The following AGAP1 variants were observed in gnomAD, a reference collection of about 807,000 sequenced individuals.
AGAP1 encodes the protein arf-GAP with GTPase, ANK repeat and PH domain-containing protein 1.
In AGAP1, 29 loss-of-function variants were observed where a neutral mutation model predicts 105.3. That is an observed-to-expected ratio of 0.28 (90% confidence interval 0.21 to 0.38). AGAP1 has a LOEUF of 0.38. Ranked by LOEUF, AGAP1 falls within the 10% of genes least tolerant of loss-of-function variation. The pLI, the probability that AGAP1 is intolerant of heterozygous loss-of-function variation, is 1.00. For synonymous variants in AGAP1, 509 were observed against 485.9 expected (o/e 1.05, Z -0.63); for missense variants, 998 against 1,165.1 (o/e 0.86, Z 2.09).
rs1399949563 is a variant in AGAP1, at chr2:235,551,768, G to A, written c.163+56919G>A. Among the ~76,000 whole-genome samples the A allele has an allele frequency of 6.6e-6, 1 of 152,168 alleles. No homozygotes were observed. Among genetic ancestry groups the A allele is most frequent in the Non-Finnish European group, 1.5e-5 (1 of 68,034 alleles). On this transcript the variant is annotated intron_variant, in intron 1 of 17. Coordinates refer to ENST00000304032, the MANE Select transcript of AGAP1 (RefSeq NM_001037131.3). This position sits in a 1 kb window ranked among gnomAD's most constrained non-coding sequence, Gnocchi z 4.8. ...AAACCCTAAAAGACTTTCTCTGAAT[G>A]TTACCTTTGCTCTTCACCTTGACTG...
rs539638425 is a variant in AGAP1, at chr2:235,901,072, C to T, written c.1156-7666C>T. 7.9e-5 allele frequency among the ~76,000 whole-genome samples: 12 copies of T among 152,286 alleles called. No individual in the cohort carries two copies. In the South Asian group the frequency reaches 2.1e-3, roughly 26 times the overall value. On this transcript the variant is annotated intron_variant, in intron 10 of 17. Transcript: ENST00000304032. This position sits in a 1 kb window ranked among gnomAD's most constrained non-coding sequence, Gnocchi z 4.3. Reference sequence around the variant, plus strand: ...ATTTTTCATAGTTTTACAATATTTTCACAGTATTTTTAGGAGCATGACTTT... The same window carrying T: ...ATTTTTCATAGTTTTACAATATTTTTACAGTATTTTTAGGAGCATGACTTT...
At chr2:236,024,140 C>T (rs1576093786) in intron 13 of AGAP1, among the ~76,000 whole-genome samples, 1 of 98,698 alleles carries the variant, frequency 1.0e-5, no homozygotes, top group East Asian at 2.7e-4. Flanking sequence ...AAGCAGTTCT[C>T]CTGCCTCAGC....
At chr2:235,645,600 G>T (rs1947346459) in intron 1 of AGAP1, among the ~76,000 whole-genome samples, 5 of 152,034 alleles carry the variant, frequency 3.3e-5, no homozygotes, top group Admixed American at 3.3e-4. Context: ...TCATTGCAGG[G>T]GTTTACGCCC....
Position 235,853,194 on chromosome 2 carries a change from C to G in AGAP1, c.1051-30151C>G, listed in dbSNP as rs528220413. 2.0e-5 allele frequency: 21 copies of G among 1,057,964 alleles called. No homozygotes were observed. In the Admixed American group the frequency reaches 1.1e-3, roughly 58 times the overall value. 65.5% of individuals were successfully genotyped at this position (1,057,964 alleles called of 1,614,324 possible). ...GGTAGAAACATAAAACATTAAAATC[C>G]AAGATTGAGCGGATCTGTCTTGACT... is the stretch of plus-strand genomic sequence containing the variant. On this transcript the variant is annotated intron_variant, in intron 9 of 17. Transcript: ENST00000304032.
chr2:235,810,095 G>A (rs1372571961), intron 9 of AGAP1, among the ~76,000 whole-genome samples: 1 of 152,184 alleles, frequency 6.6e-6, no homozygotes, highest in Non-Finnish European at 1.5e-5. Context: ...AGCTTAGGAA[G>A]CAAAGTTACA....
intron 13 of AGAP1, among the ~76,000 whole-genome samples, chr2:236,017,229 G>A (rs2056735398): frequency 6.7e-6 from 1 of 150,048 alleles, no homozygotes; most frequent in Non-Finnish European, 1.5e-5. Context: ...GGAGGCGGAG[G>A]TTGCAGTGAG....
intron 16 of AGAP1, among the ~76,000 whole-genome samples, chr2:236,079,896 C>G (rs1402935957): frequency 6.6e-6 from 1 of 152,206 alleles, no homozygotes; most frequent in East Asian, 1.9e-4. Flanking sequence ...ATTTTACTTA[C>G]CTGGCAAGTT....
At position 236,123,024 on chromosome 2, in the gene AGAP1, G is replaced by A. The variant is rs1030435745; in HGVS notation, c.2371-895G>A. Among the ~76,000 whole-genome samples, 1 of 151,950 alleles carries A rather than the reference G, an allele frequency of 6.6e-6. No individual in the cohort carries two copies. Among genetic ancestry groups the A allele is most frequent in the Admixed American group, 6.6e-5 (1 of 15,256 alleles). ...CAAAGTGTGCACAGTTGAGGGGAGA[G>A]TTCTGAATTCTGTTCATGTGGTGGA... On this transcript the variant is annotated intron_variant, in intron 17 of 17. Coordinates refer to ENST00000304032, the MANE Select transcript of AGAP1 (RefSeq NM_001037131.3). This position sits in a 1 kb window ranked among gnomAD's most constrained non-coding sequence, Gnocchi z 4.6.
intron 9 of AGAP1, among the ~76,000 whole-genome samples, chr2:235,876,081 A>G (rs1206901630): frequency 1.3e-5 from 2 of 152,162 alleles, no homozygotes; most frequent in African/African-American, 4.8e-5. Flanking sequence ...GCTCACCTGC[A>G]GATAATTTTC....
At chr2:235,542,221 G>GA (rs541325607) in intron 1 of AGAP1, among the ~76,000 whole-genome samples, 18 of 146,060 alleles carry the variant, frequency 1.2e-4, no homozygotes, top group South Asian at 4.2e-4. Context: ...GGGTCCCGGG[G>GA]GGGGGCCAGT....
chr2:235,845,850 T>A lies in AGAP1; in HGVS notation c.1051-37495T>A, dbSNP rs1029264306. Among the ~76,000 whole-genome samples, 1 of 151,946 alleles carries A rather than the reference T, an allele frequency of 6.6e-6. No homozygotes were observed. Among genetic ancestry groups the A allele is most frequent in the African/African-American group, 2.4e-5 (1 of 41,326 alleles). On this transcript the variant is annotated intron_variant, in intron 9 of 17. Transcript: ENST00000304032. This position sits in a 1 kb window ranked among gnomAD's most constrained non-coding sequence, Gnocchi z 4.8. ...ATGTGGTTTGGGGCCTGGATGTGTG[T>A]TTGGGCCTCCTCACTGGTTTCCAAC...
chr2:235,825,231 C>G (rs534431965), intron 9 of AGAP1, among the ~76,000 whole-genome samples: 2 of 152,220 alleles, frequency 1.3e-5, no homozygotes, highest in Non-Finnish European at 2.9e-5. Context: ...GGAGAGGACA[C>G]TGAAATGATG....
chr2:235,781,588 A>T (rs1455964960), intron 6 of AGAP1, among the ~76,000 whole-genome samples: 1 of 152,196 alleles, frequency 6.6e-6, no homozygotes, highest in African/African-American at 2.4e-5. Flanking sequence ...AATCACACTT[A>T]TTGAATGCAG....
At chr2:235,629,268 T>TGTG (rs1447460667) in intron 1 of AGAP1, among the ~76,000 whole-genome samples, 1 of 135,722 alleles carries the variant, frequency 7.4e-6, no homozygotes, top group African/African-American at 2.8e-5. Context: ...GTAGTAGTCA[T>TGTG]TGTGTGTGTG....
chr2:235,811,580 C>T (rs936744848), intron 9 of AGAP1, among the ~76,000 whole-genome samples: 10 of 152,156 alleles, frequency 6.6e-5, no homozygotes, highest in Non-Finnish European at 1.2e-4. Flanking sequence ...ACTGATTATT[C>T]CCCGTCCCTG....
In AGAP1 at chr2:236,127,500, G is replaced by A. The variant is rs2060021900; in HGVS notation, c.*3378G>A. 6.6e-6 allele frequency: 1 copy of A among 152,406 alleles called. No individual in the cohort carries two copies. The highest frequency in any genetic ancestry group is 2.1e-4 in the South Asian group (1 of 4,828). The allele number at this position is 152,406 out of a possible 1,614,324, so 9.4% of individuals were successfully genotyped here. A position where few individuals can be genotyped will look rare whatever the true frequency, so the allele number is the denominator to read the frequency against. ...GGTTCTCAGACACAGGAGAGAGCGG[G>A]ATCTTAATGAATTGCATTTCCTGCA... On this transcript the variant is annotated 3_prime_UTR_variant, in exon 18 of 18. Coordinates refer to ENST00000304032, the MANE Select transcript of AGAP1 (RefSeq NM_001037131.3). This position sits in a 1 kb window ranked among gnomAD's most constrained non-coding sequence, Gnocchi z 6.6.
Position 235,968,716 on chromosome 2 carries a change from A to G in AGAP1, c.1645+93A>G, listed in dbSNP as rs866628543. 1.1e-4 allele frequency: 147 copies of G among 1,282,536 alleles called. No homozygotes were observed. The South Asian group carries it at 1.5e-3, about 13-fold the overall frequency. The allele number at this position is 1,282,536 out of a possible 1,614,324, so 79.4% of individuals were successfully genotyped here. ...CGTGAAATTAGACACCCTTAGCACAACAAATGCACAGTAATGCTGGTCACC... is the reference window on the plus strand; with the variant it reads ...CGTGAAATTAGACACCCTTAGCACAGCAAATGCACAGTAATGCTGGTCACC... On this transcript the variant is annotated intron_variant, in intron 13 of 17. Coordinates refer to ENST00000304032, the MANE Select transcript of AGAP1 (RefSeq NM_001037131.3).
chr2:235,942,685 A>AC (rs57575681), intron 12 of AGAP1, among the ~76,000 whole-genome samples: 83,579 of 150,908 alleles, frequency 0.55, 23,501 homozygotes, highest in African/African-American at 0.66. Context: ...AAAAAAAAAA[A>AC]TTACATTTTA....
chr2:235,964,636 T>C lies in AGAP1; in HGVS notation c.1484-3826T>C, dbSNP rs2054316327. On this transcript the variant is annotated intron_variant, in intron 12 of 17. Transcript: ENST00000304032. The surrounding 1 kb of genome is among the most constrained non-coding windows in gnomAD (Gnocchi z 4.6). ...AACGTTATGAGGCTTCTGAACACTG[T>C]TAAATCATAAATAAAAATTAATTAG... 6.6e-6 allele frequency among the ~76,000 whole-genome samples: 1 copy of C among 152,168 alleles called. No individual in the cohort carries two copies. Among genetic ancestry groups the C allele is most frequent in the Admixed American group, 6.5e-5 (1 of 15,282 alleles).
Sources: allele counts gnomAD v4.1 joint callset (sites outside exome capture counted in the v4.1 genomes callset), GRCh38; gene constraint gnomAD v4.1.1; non-coding constraint Gnocchi (gnomAD v3.1); transcripts MANE v1.5; gene names NCBI Gene and HGNC (gene_info 2026-07-23, HGNC 2026-07-21).